The following YARS1 variants were observed in gnomAD, a reference collection of about 807,000 sequenced individuals.
YARS1 encodes the protein tyrosine--tRNA ligase, cytoplasmic.
YARS1 carries 36 observed loss-of-function variants against 62.2 expected under a neutral mutation model. The observed-to-expected ratio is 0.58, with a 90% CI of 0.44 to 0.76. YARS1 has a LOEUF of 0.76. Ranked by LOEUF, YARS1 falls within the 30% of genes least tolerant of loss-of-function variation. The pLI is 0.00. For synonymous variants in YARS1, 234 were observed against 244.9 expected (o/e 0.96, Z 0.42); for missense variants, 524 against 639.8 (o/e 0.82, Z 1.95).
intron 4 of YARS1, among the ~76,000 whole-genome samples, chr1:32,803,902 T>C (rs565187002): frequency 7.2e-5 from 11 of 152,176 alleles, no homozygotes; most frequent in Non-Finnish European, 1.5e-4. Context: ...CCGCAGTGTT[T>C]GTGTCCCTGG....
At chr1:32,797,234 T>C (rs1653633025) in intron 5 of YARS1, among the ~76,000 whole-genome samples, 1 of 150,252 alleles carries the variant, frequency 6.7e-6, no homozygotes, top group Non-Finnish European at 1.5e-5. Context: ...TACCCGGGTG[T>C]TGTGGCATGC....
At chr1:32,778,360 C>A (rs764385773) in intron 12 of YARS1, among the ~76,000 whole-genome samples, 4 of 152,050 alleles carry the variant, frequency 2.6e-5, no homozygotes, top group Non-Finnish European at 2.9e-5. Flanking sequence ...TCAAGATGGG[C>A]AGGAGGGACC....
chr1:32,816,577 G>A (rs1638740834), intron 1 of YARS1, among the ~76,000 whole-genome samples: 2 of 152,104 alleles, frequency 1.3e-5, no homozygotes, highest in South Asian at 4.1e-4. Flanking sequence ...CTCCACTCCA[G>A]CTAAATTTGC....
chr1:32,811,436 A>C, intron 1 of YARS1: 1 of 339,954 alleles, frequency 2.9e-6, no homozygotes, highest in Non-Finnish European at 5.7e-6. Flanking sequence ...AGTTGATATT[A>C]CCCTAAGCCC....
At chr1:32,800,585 ACTTTT>A (rs113309167) in intron 4 of YARS1, among the ~76,000 whole-genome samples, 5 of 151,888 alleles carry the variant, frequency 3.3e-5, no homozygotes, top group African/African-American at 1.2e-4. Context: ...CTTGGTTTGT[ACTTTT>A]CTTTTTTTTT....
Position 32,810,771 on chromosome 1 carries a change from A to T in YARS1, c.205-5T>A. ...GTCCGCAAACAGAATTGTTACCTGG[A>T]CAAGAGATAAGGGGCCACCAAAATG... On this transcript the variant is annotated splice_polypyrimidine_tract_variant and splice_region_variant and intron_variant, in intron 2 of 12. Coordinates refer to ENST00000373477, the MANE Select transcript of YARS1 (RefSeq NM_003680.4). The T allele has an allele frequency of 6.2e-7, 1 of 1,614,160 alleles. No individual in the cohort carries two copies. Among genetic ancestry groups the T allele is most frequent in the South Asian group, 1.1e-5 (1 of 91,076 alleles).
In YARS1 at chr1:32,810,584, CACTT is replaced by C; in HGVS notation, c.380+3_380+6del. The C allele has an allele frequency of 6.2e-7, 1 of 1,612,518 alleles. No homozygotes were observed. On this transcript the variant is annotated splice_donor_5th_base_variant and intron_variant, in intron 3 of 12. Coordinates refer to ENST00000373477, the MANE Select transcript of YARS1 (RefSeq NM_003680.4). ...GCCACAAGGAGGGTGGATGATCAAG[CACTT>C]ACTTGCTGAGCTGGTAATCAGTGCC...
intron 3 of YARS1, among the ~76,000 whole-genome samples, chr1:32,808,798 CT>C (rs1007924135): frequency 1.2e-4 from 18 of 152,338 alleles, no homozygotes; most frequent in Non-Finnish European, 2.4e-4. Context: ...TTCCTGAAAA[CT>C]TTCGCTACCC....
At chr1:32,810,452 T>C in intron 3 of YARS1, 139 bp downstream of exon 3, 1 of 1,123,408 alleles carries the variant, frequency 8.9e-7, no homozygotes, top group Non-Finnish European at 1.3e-6. Context: ...GAGGTTTTAA[T>C]GGACAAAGTT....
chr1:32,815,293 G>A (rs1183965093), intron 1 of YARS1, among the ~76,000 whole-genome samples: 2 of 152,110 alleles, frequency 1.3e-5, no homozygotes, highest in Non-Finnish European at 2.9e-5. Flanking sequence ...AGGTTGCAGT[G>A]AGCTGAGATT....
At position 32,780,174 on chromosome 1, in the gene YARS1, C is replaced by T. The variant is rs1162746032; in HGVS notation, c.1245G>A (p.Leu415=). ...GLVQFVPKEE[L]QDRLVVVLCN... is the part of the protein sequence containing the mutation. The stretch of plus-strand genomic sequence containing the variant: ...ACAGCACCACTACCAGCCTGTCCTG[C>T]AGTTCCTCCTTGGGCACGAACTGTA... The change falls in exon 11 of 13, where the codon CTG becomes CTA. Residue 415 remains leucine, a synonymous_variant. Transcript: ENST00000373477. The T allele has an allele frequency of 1.2e-6, 2 of 1,614,100 alleles. No individual in the cohort carries two copies. Among genetic ancestry groups the T allele is most frequent in the Non-Finnish European group, 1.7e-6 (2 of 1,180,064 alleles).
Position 32,817,298 on chromosome 1 carries a change from G to A in YARS1, c.-54C>T. ...AGCCCGGCACCAGAGCCCCTTCCTG[G>A]GTCACCGTCGCCGCCGCGTGCCGGG... On this transcript the variant is annotated 5_prime_UTR_variant, in exon 1 of 13. Coordinates refer to ENST00000373477, the MANE Select transcript of YARS1 (RefSeq NM_003680.4). The A allele has an allele frequency of 6.2e-7, 1 of 1,606,276 alleles. No homozygotes were observed. Among genetic ancestry groups the A allele is most frequent in the Admixed American group, 1.7e-5 (1 of 59,968 alleles).
chr1:32,793,860 G>T (rs552027374), intron 5 of YARS1, among the ~76,000 whole-genome samples: 3 of 152,310 alleles, frequency 2.0e-5, no homozygotes, highest in South Asian at 2.1e-4. Context: ...CCCAGTGAAA[G>T]AAATTGAAAG....
At chr1:32,809,082 TTTC>T (rs1411382239) in intron 3 of YARS1, among the ~76,000 whole-genome samples, 1 of 152,086 alleles carries the variant, frequency 6.6e-6, no homozygotes, top group Non-Finnish European at 1.5e-5. Flanking sequence ...TTCATTTCTT[TTTC>T]TTTCTTTTCT....
At chr1:32,787,794 G>A (rs1473581776) in intron 6 of YARS1, among the ~76,000 whole-genome samples, 1 of 152,218 alleles carries the variant, frequency 6.6e-6, no homozygotes, top group Non-Finnish European at 1.5e-5. Context: ...GATTACAGGT[G>A]TGAGCCACTG....
At chr1:32,800,341 T>C (rs796162345) in intron 4 of YARS1, among the ~76,000 whole-genome samples, 4 of 152,230 alleles carry the variant, frequency 2.6e-5, no homozygotes, top group African/African-American at 9.6e-5. Flanking sequence ...TATTTTCTCA[T>C]ATCAAGCATT....
rs549783356 is a variant in YARS1 at position 32,811,118 on chromosome 1, A to G, written c.58-61T>C. 18 of 1,609,428 alleles carry G rather than the reference A, an allele frequency of 1.1e-5. No homozygotes were observed. In the African/African-American group the frequency reaches 2.0e-4, roughly 18 times the overall value. ...TGCCTCACCTTGCTCATCCTTTACC[A>G]TGTGACAAGGAAAACAACAGCATGT... On this transcript the variant is annotated intron_variant, in intron 1 of 12. Transcript: ENST00000373477.
chr1:32,801,008 C>T lies in YARS1; in HGVS notation c.511-3165G>A, dbSNP rs189084149. 3.9e-5 allele frequency among the ~76,000 whole-genome samples: 6 copies of T among 152,178 alleles called. No individual in the cohort carries two copies. In the East Asian group the frequency reaches 7.7e-4, roughly 20 times the overall value. On this transcript the variant is annotated intron_variant, in intron 4 of 12. Coordinates refer to ENST00000373477, the MANE Select transcript of YARS1 (RefSeq NM_003680.4). ...CATGCTCAAATTTATTTTCACATAT[C>T]GCTCTGAAGTTTATTTCCTTTATTA...
intron 8 of YARS1, among the ~76,000 whole-genome samples, chr1:32,784,741 C>A (rs553942604): frequency 6.6e-6 from 1 of 152,024 alleles, no homozygotes; most frequent in African/African-American, 2.4e-5. Context: ...TACACACATA[C>A]ACACATATGT....
Sources: allele counts gnomAD v4.1 joint callset (sites outside exome capture counted in the v4.1 genomes callset), GRCh38; gene constraint gnomAD v4.1.1; transcripts MANE v1.5; gene names NCBI Gene and HGNC (gene_info 2026-07-23, HGNC 2026-07-21).